FAM83E: variants seen among roughly 807,000 people sequenced by gnomAD.
FAM83E encodes scaffolding CK1 anchoring protein E, also known as protein FAM83E.
FAM83E carries 29 observed loss-of-function variants against 34.3 expected under a neutral mutation model. That is an observed-to-expected ratio of 0.85 (90% CI 0.63 to 1.15). The LOEUF (loss-of-function observed/expected upper bound fraction) is 1.15, where lower values mean the gene tolerates loss of function less well. Ranked by LOEUF, FAM83E falls within the 50% of genes most tolerant of loss-of-function variation. The probability of loss-of-function intolerance (pLI) is 0.00; values close to 1 mark genes in which losing one functional copy is unlikely to be tolerated. For missense variants in FAM83E, 697 were observed against 685.0 expected, an observed-to-expected ratio of 1.02 and a Z score of -0.20; for synonymous variants, 312 against 311.6, an observed-to-expected ratio of 1.00 and a Z score of -0.01.
rs373325351 is a variant in FAM83E at position 48,600,793 on chromosome 19, A to G, written c.*316T>C. On this transcript the variant is annotated 3_prime_UTR_variant, in exon 7 of 7. Transcript: ENST00000263266. ...CAGCCTCCTGCGTAGCTGGGACCAC[A>G]GGCGTGCGCCACCACACCCAACTAA... is the stretch of plus-strand genomic sequence containing the variant. 1 of 243,914 alleles carries G rather than the reference A, an allele frequency of 4.1e-6. No individual in the cohort carries two copies. The highest frequency in any genetic ancestry group is 7.7e-6 in the Non-Finnish European group (1 of 129,992). 15.1% of individuals were successfully genotyped at this position (243,914 alleles called of 1,614,324 possible).
chr19:48,602,704 AATATATATATATATATATATATAT>A (rs71294394), intron 6 of FAM83E, among the ~76,000 whole-genome samples: 7 of 27,500 alleles, frequency 2.5e-4, no homozygotes, highest in Admixed American at 1.0e-3. Flanking sequence ...AAAAAAAAAA[AATATATATATATATATATATATAT>A]ATATATATAT....
In FAM83E at chr19:48,614,737, C is replaced by T. The variant is rs78864057; in HGVS notation, c.-1285G>A. On this transcript the variant is annotated 5_prime_UTR_variant, in exon 2 of 7. Transcript: ENST00000263266. ...ACCGGCTAGTGCCGGGCTCAATGGC[C>T]TCCCTTCCAGTGCCTGCTTTTTCCG... 5 of 985,516 alleles carry T rather than the reference C, an allele frequency of 5.1e-6. No homozygotes were observed. Among genetic ancestry groups the T allele is most frequent in the Non-Finnish European group, 6.0e-6 (5 of 830,032 alleles). 61.0% of individuals were successfully genotyped at this position (985,516 alleles called of 1,614,324 possible).
Position 48,610,897 on chromosome 19 carries a change from G to A in FAM83E, c.466-50C>T, listed in dbSNP as rs555153426. 240 of 1,544,928 alleles carry A rather than the reference G, an allele frequency of 1.6e-4. No individual in the cohort carries two copies. In the South Asian group the frequency reaches 2.2e-3, roughly 14 times the overall value. ...GGCTTGTGAACGGAAGCTGGCTCAGGGGACACTCAGAGGGTGTGGGAAACC... is the reference window on the plus strand; with the variant it reads ...GGCTTGTGAACGGAAGCTGGCTCAGAGGACACTCAGAGGGTGTGGGAAACC... On this transcript the variant is annotated intron_variant, in intron 3 of 6. Coordinates refer to ENST00000263266, the MANE Select transcript of FAM83E (RefSeq NM_017708.4).
At position 48,612,951 on chromosome 19, in the gene FAM83E, G is replaced by A; in HGVS notation, c.422C>T (p.Pro141Leu). ...YTQPPGEGQP[P>L]LKELVRLEIQ... Reference sequence around the variant, plus strand: ...CTCCAGCCGCACCAGCTCCTTGAGGGGCGGCTGACCCTCTCCAGGAGGCTG... The same window carrying A: ...CTCCAGCCGCACCAGCTCCTTGAGGAGCGGCTGACCCTCTCCAGGAGGCTG... The change falls in exon 3 of 7, where the codon CCC becomes CTC. Residue 141 changes from proline (P) to leucine (L), a missense_variant. By Grantham distance (98) the Pro-to-Leu change is moderately conservative. Transcript: ENST00000263266. The A allele has an allele frequency of 1.3e-6, 2 of 1,589,774 alleles. No homozygotes were observed. Among genetic ancestry groups the A allele is most frequent in the Non-Finnish European group, 8.6e-7 (1 of 1,168,082 alleles).
Position 48,601,083 on chromosome 19 carries a change from CCAG to C in FAM83E, c.*23_*25del, listed in dbSNP as rs750349766. On this transcript the variant is annotated 3_prime_UTR_variant, in exon 7 of 7. Coordinates refer to ENST00000263266, the MANE Select transcript of FAM83E (RefSeq NM_017708.4). Reference sequence around the variant, plus strand: ...TGTCCGGCACTGCTCCTTGGGTGGGCCAGCAGATTTGGCTTGGGCTCCTGTTCA... The same window carrying C: ...TGTCCGGCACTGCTCCTTGGGTGGGCCAGATTTGGCTTGGGCTCCTGTTCA... The C allele has an allele frequency of 1.9e-6, 3 of 1,592,488 alleles. No homozygotes were observed. Among genetic ancestry groups the C allele is most frequent in the Admixed American group, 1.8e-5 (1 of 56,416 alleles).
At chr19:48,601,873 C>T (rs961098154) in intron 6 of FAM83E, among the ~76,000 whole-genome samples, 1 of 149,522 alleles carries the variant, frequency 6.7e-6, no homozygotes, top group Non-Finnish European at 1.5e-5. Flanking sequence ...GGAGGCCGGA[C>T]GCGGTGGCTC....
chr19:48,603,172 T>C (rs1973861000), intron 6 of FAM83E, among the ~76,000 whole-genome samples: 1 of 152,044 alleles, frequency 6.6e-6, no homozygotes, highest in Non-Finnish European at 1.5e-5. Context: ...ATGAGTGCCC[T>C]TGCTCTGCTC....
At chr19:48,606,377 C>T (rs1601126005) in intron 5 of FAM83E, among the ~76,000 whole-genome samples, 2 of 152,316 alleles carry the variant, frequency 1.3e-5, no homozygotes, top group Admixed American at 1.3e-4. Flanking sequence ...TCAGTTAATA[C>T]ACCCTCTTCT....
chr19:48,610,752 G>A lies in FAM83E; in HGVS notation c.561C>T (p.Leu187=), dbSNP rs752834183. The A allele has an allele frequency of 6.3e-7, 1 of 1,587,788 alleles. No homozygotes were observed. Among genetic ancestry groups the A allele is most frequent in the East Asian group, 2.3e-5 (1 of 43,542 alleles). The change falls in exon 4 of 7, where the codon CTC becomes CTT. Residue 187 remains leucine (L), a synonymous_variant. Coordinates refer to ENST00000263266, the MANE Select transcript of FAM83E (RefSeq NM_017708.4). ...AGGCAGGCAGCTGCTGGCGGTCCAGGAGCAGGTAGACAGGTACCCAGCGGC... is the reference window on the plus strand; with the variant it reads ...AGGCAGGCAGCTGCTGGCGGTCCAGAAGCAGGTAGACAGGTACCCAGCGGC... ...ATRRWVPVYL[L]LDRQQLPAFL... is the part of the protein sequence containing the mutation.
Position 48,600,956 on chromosome 19 carries a change from G to A in FAM83E, c.*153C>T, listed in dbSNP as rs1028373574. 9.7e-6 allele frequency: 14 copies of A among 1,442,668 alleles called. No homozygotes were observed. The Admixed American group carries it at 1.6e-4, about 16-fold the overall frequency. The allele number at this position is 1,442,668 out of a possible 1,614,324, so 89.4% of individuals were successfully genotyped here. On this transcript the variant is annotated 3_prime_UTR_variant, in exon 7 of 7. Coordinates refer to ENST00000263266, the MANE Select transcript of FAM83E (RefSeq NM_017708.4). ...GCATGAGCCACCACTCCCGGCCCAA[G>A]TTGCAGAACAAGTGACAAACATCCC...
intron 5 of FAM83E, among the ~76,000 whole-genome samples, chr19:48,608,508 G>A (rs1381867179): frequency 3.5e-5 from 5 of 143,108 alleles, no homozygotes; most frequent in African/African-American, 8.0e-5. Flanking sequence ...GCAGTGGCGC[G>A]ATCTTGGCTC....
At chr19:48,606,037 G>A (rs1973922615) in intron 5 of FAM83E, among the ~76,000 whole-genome samples, 1 of 151,958 alleles carries the variant, frequency 6.6e-6, no homozygotes, top group Admixed American at 6.6e-5. Flanking sequence ...CAGGCGTGGT[G>A]TGGTGGCTCA....
chr19:48,609,987 C>A lies in FAM83E; in HGVS notation c.647G>T (p.Arg216Leu), dbSNP rs71357835. ...CTGGAAGCTGCAGCCCCGCACGACA[C>A]GGACATCCACGTTCTGTTGGTGTGG... is the stretch of plus-strand genomic sequence containing the variant. ...NPWNTENVDV[R>L]VVRGCSFQSR... Residue 216 changes from arginine (R) to leucine (L), a missense_variant, in exon 5 of 7, where the codon CGT becomes CTT. Transcript: ENST00000263266. 1 of 1,612,092 alleles carries A rather than the reference C, an allele frequency of 6.2e-7. No individual in the cohort carries two copies.
At position 48,613,606 on chromosome 19, in the gene FAM83E, T is replaced by A; in HGVS notation, c.-234A>T. ...GCGACCATCCAATGTGTCAGGCCAC[T>A]CAGATCCGCCACCTGCCTGCACCCA... is the stretch of plus-strand genomic sequence containing the variant. On this transcript the variant is annotated 5_prime_UTR_variant, in exon 3 of 7. An upstream open reading frame in the 5' UTR loses its in-frame stop. Coordinates refer to ENST00000263266, the MANE Select transcript of FAM83E (RefSeq NM_017708.4). 7.3e-7 allele frequency: 1 copy of A among 1,377,838 alleles called. No homozygotes were observed. The highest frequency in any genetic ancestry group is 9.4e-7 in the Non-Finnish European group (1 of 1,069,356). The allele number at this position is 1,377,838 out of a possible 1,614,324, so 85.4% of individuals were successfully genotyped here. A position where few individuals can be genotyped will look rare whatever the true frequency, so the allele number is the denominator to read the frequency against.
chr19:48,614,554 C>T lies in FAM83E; in HGVS notation c.-1182G>A, dbSNP rs1327952275. 4.1e-6 allele frequency: 4 copies of T among 985,872 alleles called. No individual in the cohort carries two copies. Among genetic ancestry groups the T allele is most frequent in the Non-Finnish European group, 4.8e-6 (4 of 830,366 alleles). 61.1% of individuals were successfully genotyped at this position (985,872 alleles called of 1,614,324 possible). ...ACCTCGGGGACCCTGGACCCTTGAT[C>T]CCTGCAAACCAGAAGCCCTTCATTC... On this transcript the variant is annotated 5_prime_UTR_variant, in exon 3 of 7. Coordinates refer to ENST00000263266, the MANE Select transcript of FAM83E (RefSeq NM_017708.4).
In FAM83E at chr19:48,603,642, G is replaced by C; in HGVS notation, c.1028C>G (p.Pro343Arg). 1 of 1,349,992 alleles carries C rather than the reference G, an allele frequency of 7.4e-7. No individual in the cohort carries two copies. The highest frequency in any genetic ancestry group is 2.1e-5 in the South Asian group (1 of 48,466). The allele number at this position is 1,349,992 out of a possible 1,614,324, so 83.6% of individuals were successfully genotyped here. Reference protein sequence around the residue: ...AHRLAACRVSPATPGPALSDI... With the variant: ...AHRLAACRVSRATPGPALSDI... Reference sequence around the variant, plus strand: ...ACTGAGTGCCGGCCCCGGGGTAGCAGGGGAGACGCGGCAGGCGGCCAGGCG... The same window carrying C: ...ACTGAGTGCCGGCCCCGGGGTAGCACGGGAGACGCGGCAGGCGGCCAGGCG... The change falls in exon 6 of 7, where the codon CCT becomes CGT. Residue 343 changes from proline to arginine, a missense_variant. By Grantham distance (103) the Pro-to-Arg change is moderately radical. Coordinates refer to ENST00000263266, the MANE Select transcript of FAM83E (RefSeq NM_017708.4).
At chr19:48,609,059 G>T (rs1455019976) in intron 5 of FAM83E, among the ~76,000 whole-genome samples, 1 of 151,966 alleles carries the variant, frequency 6.6e-6, no homozygotes, top group Non-Finnish European at 1.5e-5. Flanking sequence ...GGTTCTAGAG[G>T]CTCTAACCCT....
At chr19:48,609,221 A>AC (rs1373835730) in intron 5 of FAM83E, among the ~76,000 whole-genome samples, 1 of 145,658 alleles carries the variant, frequency 6.9e-6, no homozygotes, top group Non-Finnish European at 1.5e-5. Context: ...CTGTGCTGTG[A>AC]CCCTGTGAGG....
intron 5 of FAM83E, 37 bp from the exon 6 acceptor site, chr19:48,603,948 C>G (rs556701925): frequency 6.3e-7 from 1 of 1,575,976 alleles, no homozygotes; most frequent in Admixed American, 1.8e-5. Flanking sequence ...AGTCTCCAAC[C>G]CTGAGGGCCC....
Sources: allele counts gnomAD v4.1 joint callset (sites outside exome capture counted in the v4.1 genomes callset), GRCh38; gene constraint gnomAD v4.1.1; transcripts MANE v1.5; gene names NCBI Gene and HGNC (gene_info 2026-07-23, HGNC 2026-07-21).